SRRM4: variants seen among roughly 807,000 people sequenced by gnomAD.
The protein encoded by SRRM4 is serine/arginine repetitive matrix 4, also known as serine/arginine repetitive matrix protein 4.
A neutral mutation model predicts 68.9 loss-of-function variants in SRRM4; 33 were observed. The ratio of observed to expected loss-of-function variants is 0.48; its 90% CI spans 0.36 to 0.64. The LOEUF (loss-of-function observed/expected upper bound fraction) is 0.64, where lower values mean the gene tolerates loss of function less well. SRRM4 is among the 30% of genes least tolerant of loss of function. SRRM4 has a pLI of 0.00. For missense variants in SRRM4, 817 were observed against 827.1 expected (o/e 0.99, Z 0.15); for synonymous variants, 318 against 318.8 (o/e 1.00, Z 0.03).
At position 119,028,955 on chromosome 12, in the gene SRRM4, C is replaced by T. The variant is rs1953568445; in HGVS notation, c.131+46942C>T. Among the ~76,000 whole-genome samples the T allele has an allele frequency of 3.3e-5, 5 of 152,142 alleles. No homozygotes were observed. The South Asian group carries it at 1.0e-3, about 31-fold the overall frequency. On this transcript the variant is annotated intron_variant, in intron 1 of 12. Coordinates refer to ENST00000267260, the MANE Select transcript of SRRM4 (RefSeq NM_194286.4). ...CAGGAGGGATTATGGTGAGGACACACAGTGAGAATTGCTCCATAAAAAGGA... is the reference window on the plus strand; with the variant it reads ...CAGGAGGGATTATGGTGAGGACACATAGTGAGAATTGCTCCATAAAAAGGA...
intron 1 of SRRM4, among the ~76,000 whole-genome samples, chr12:119,023,888 C>T (rs1953531173): frequency 6.6e-6 from 1 of 152,126 alleles, no homozygotes; most frequent in African/African-American, 2.4e-5. Flanking sequence ...AAATATTTTA[C>T]TTACCCCTTC....
intron 1 of SRRM4, among the ~76,000 whole-genome samples, chr12:119,040,502 T>C (rs931374720): frequency 1.3e-5 from 2 of 152,240 alleles, no homozygotes; most frequent in East Asian, 3.8e-4. Context: ...TCCAGTCTCA[T>C]CCAGGTCATT....
chr12:119,126,438 C>A (rs74467889), intron 7 of SRRM4, among the ~76,000 whole-genome samples: 1 of 152,236 alleles, frequency 6.6e-6, no homozygotes, highest in East Asian at 1.9e-4. Context: ...GGGTTAAGGA[C>A]TTTACTAGTC....
intron 2 of SRRM4, among the ~76,000 whole-genome samples, 179 bp downstream of exon 2, chr12:119,102,561 T>TGG (rs1954083746): frequency 6.6e-6 from 1 of 152,236 alleles, no homozygotes; most frequent in African/African-American, 2.4e-5. Flanking sequence ...CAGTGGTTTC[T>TGG]GTCACAACTA....
intron 1 of SRRM4, among the ~76,000 whole-genome samples, chr12:118,990,737 C>G (rs1410903572): frequency 6.6e-6 from 1 of 152,186 alleles, no homozygotes; most frequent in African/African-American, 2.4e-5. Context: ...CCAGAAGAAC[C>G]TCTTTGAAAA....
intron 1 of SRRM4, among the ~76,000 whole-genome samples, chr12:119,051,379 T>TG (rs1953741385): frequency 6.6e-6 from 1 of 152,080 alleles, no homozygotes; most frequent in Admixed American, 6.6e-5. Context: ...CCTACTCTAC[T>TG]GGGGGAAAAA....
intron 1 of SRRM4, among the ~76,000 whole-genome samples, chr12:119,088,984 A>G (rs1037443109): frequency 1.3e-5 from 2 of 152,162 alleles, no homozygotes; most frequent in Non-Finnish European, 2.9e-5. Flanking sequence ...CAGAAGAGAG[A>G]TGAAGTGACT....
chr12:119,037,856 A>G (rs933174547), intron 1 of SRRM4, among the ~76,000 whole-genome samples: 1 of 152,236 alleles, frequency 6.6e-6, no homozygotes, highest in Non-Finnish European at 1.5e-5. Flanking sequence ...GTAAATTTGA[A>G]TAATAGCATC....
chr12:119,152,044 G>C (rs55818759), intron 10 of SRRM4, among the ~76,000 whole-genome samples: 18,729 of 152,118 alleles, frequency 0.12, 1,377 homozygotes, highest in Middle Eastern at 0.19. Flanking sequence ...ATTGGTAATC[G>C]CTTGATTGCC....
chr12:119,053,670 A>AT (rs1378014136), intron 1 of SRRM4, among the ~76,000 whole-genome samples: 2 of 152,178 alleles, frequency 1.3e-5, no homozygotes, highest in East Asian at 3.8e-4. Context: ...TAACATACCA[A>AT]TTTGCACACG....
At chr12:119,122,212 A>G in intron 6 of SRRM4, 92 bp downstream of exon 6, 2 of 840,358 alleles carry the variant, frequency 2.4e-6, no homozygotes, top group Non-Finnish European at 3.9e-6. Context: ...TGCCAAATAA[A>G]CAGGGAAAGG....
At chr12:119,062,324 C>T (rs1431778802) in intron 1 of SRRM4, among the ~76,000 whole-genome samples, 2 of 152,196 alleles carry the variant, frequency 1.3e-5, no homozygotes, top group African/African-American at 4.8e-5. Flanking sequence ...TAGGACATTA[C>T]TGTACACTAC....
intron 3 of SRRM4, 34 bp from the exon 4 acceptor site, chr12:119,116,903 C>A: frequency 1.2e-6 from 2 of 1,607,224 alleles, no homozygotes; most frequent in Non-Finnish European, 1.7e-6. Context: ...CTTTAAGAGC[C>A]TCCTTCTGAA....
Position 119,151,104 on chromosome 12 carries a change from G to A in SRRM4, c.1164G>A (p.Gly388=), listed in dbSNP as rs1565920117. Residue 388 remains glycine (G), a synonymous_variant, in exon 10 of 13, where the codon GGG becomes GGA. Coordinates refer to ENST00000267260, the MANE Select transcript of SRRM4 (RefSeq NM_194286.4). ...CAGCCCGGAGCTCACCCATGAAAGGGTGTTCCCGCAGCTCCTCCTATGCCA... is the reference window on the plus strand; with the variant it reads ...CAGCCCGGAGCTCACCCATGAAAGGATGTTCCCGCAGCTCCTCCTATGCCA... ...PSTARSSPMK[G]CSRSSSYAST... The A allele has an allele frequency of 6.2e-7, 1 of 1,613,824 alleles. No individual in the cohort carries two copies. The highest frequency in any genetic ancestry group is 8.5e-7 in the Non-Finnish European group (1 of 1,179,892).
At chr12:119,084,995 G>A (rs770941493) in intron 1 of SRRM4, among the ~76,000 whole-genome samples, 1 of 152,180 alleles carries the variant, frequency 6.6e-6, no homozygotes, top group Non-Finnish European at 1.5e-5. Context: ...TCGCCTCCTG[G>A]GTTCAAGCGA....
intron 1 of SRRM4, among the ~76,000 whole-genome samples, chr12:119,016,454 TAA>T (rs562002879): frequency 3.6e-5 from 5 of 138,658 alleles, no homozygotes; most frequent in Admixed American, 7.3e-5. Flanking sequence ...ACGATGTAAT[TAA>T]AAAAAAAAAA....
At chr12:119,035,613 AT>A (rs1953621717) in intron 1 of SRRM4, among the ~76,000 whole-genome samples, 1 of 151,794 alleles carries the variant, frequency 6.6e-6, no homozygotes, top group South Asian at 2.1e-4. Flanking sequence ...ATCCTTTATC[AT>A]TTTCAATCTA....
intron 1 of SRRM4, among the ~76,000 whole-genome samples, chr12:119,025,417 T>C (rs2136003525): frequency 6.9e-6 from 1 of 145,652 alleles, no homozygotes; most frequent in East Asian, 2.1e-4. Context: ...ATAAGACTGC[T>C]CATATATGGA....
intron 1 of SRRM4, among the ~76,000 whole-genome samples, chr12:119,002,275 C>G (rs1337331596): frequency 6.6e-6 from 1 of 152,012 alleles, no homozygotes; most frequent in Admixed American, 6.5e-5. Context: ...GAGGAGTTAC[C>G]TGCTCTGACG....
Sources: allele counts gnomAD v4.1 joint callset (sites outside exome capture counted in the v4.1 genomes callset), GRCh38; gene constraint gnomAD v4.1.1; transcripts MANE v1.5; gene names NCBI Gene and HGNC (gene_info 2026-07-23, HGNC 2026-07-21).